The following ASAP1 variants were observed in gnomAD, a reference collection of about 807,000 sequenced individuals.
The protein encoded by ASAP1 is arf-GAP with SH3 domain, ANK repeat and PH domain-containing protein 1.
In ASAP1, 43 loss-of-function variants were observed where a neutral mutation model predicts 145.2. The observed-to-expected ratio is 0.30, with a 90% CI of 0.23 to 0.38. The LOEUF is 0.38. Ranked by LOEUF, ASAP1 falls within the 10% of genes least tolerant of loss-of-function variation. The probability of loss-of-function intolerance (pLI) is 1.00; values close to 1 mark genes in which losing one functional copy is unlikely to be tolerated. For missense variants in ASAP1, 1,018 were observed against 1,355.3 expected, an observed-to-expected ratio of 0.75 and a Z score of 3.91; for synonymous variants, 546 against 515.5, an observed-to-expected ratio of 1.06 and a Z score of -0.80.
intron 4 of ASAP1, among the ~76,000 whole-genome samples, chr8:130,219,334 T>C (rs1817146837): frequency 6.7e-6 from 1 of 149,596 alleles, no homozygotes; most frequent in Non-Finnish European, 1.5e-5. Flanking sequence ...GCACAGAGAG[T>C]GAGACAGCAA....
At chr8:130,174,694 T>C (rs1417025950) in intron 9 of ASAP1, among the ~76,000 whole-genome samples, 2 of 152,202 alleles carry the variant, frequency 1.3e-5, no homozygotes, top group African/African-American at 4.8e-5. Flanking sequence ...ATAAAACCTC[T>C]ATAAAATCTT....
At chr8:130,103,324 C>A (rs2097531878) in intron 24 of ASAP1, among the ~76,000 whole-genome samples, 1 of 151,678 alleles carries the variant, frequency 6.6e-6, no homozygotes, top group African/African-American at 2.4e-5. Context: ...AAAGGCTTGT[C>A]AATTTTTTTC....
intron 10 of ASAP1, among the ~76,000 whole-genome samples, chr8:130,168,049 A>G (rs2097683601): frequency 6.6e-6 from 1 of 152,146 alleles, no homozygotes; most frequent in Non-Finnish European, 1.5e-5. Flanking sequence ...GGGACAAGGG[A>G]TCAGTGCTGC....
rs1245285196 is a variant in ASAP1 at position 130,052,523 on chromosome 8, C to A, written c.*2208G>T. 3 of 152,502 alleles carry A rather than the reference C, an allele frequency of 2.0e-5. No individual in the cohort carries two copies. Among genetic ancestry groups the A allele is most frequent in the East Asian group, 3.9e-4 (2 of 5,178 alleles). The allele number at this position is 152,502 out of a possible 1,614,324, so 9.4% of individuals were successfully genotyped here. On this transcript the variant is annotated 3_prime_UTR_variant, in exon 30 of 30. Transcript: ENST00000518721. ...AGATCAGACTTAAACTCAACAAGAT[C>A]ACCAAAGGTATTTCTACTGAGTTTT... is the stretch of plus-strand genomic sequence containing the variant.
At chr8:130,191,751 T>C (rs1409796568) in intron 5 of ASAP1, among the ~76,000 whole-genome samples, 1 of 152,140 alleles carries the variant, frequency 6.6e-6, no homozygotes, top group Admixed American at 6.5e-5. Flanking sequence ...GTGTAAAAAG[T>C]GCTAGCTTAC....
chr8:130,151,826 G>A (rs1165276526), intron 13 of ASAP1, among the ~76,000 whole-genome samples: 1 of 152,236 alleles, frequency 6.6e-6, no homozygotes, highest in East Asian at 1.9e-4. Flanking sequence ...GATGTGTTCT[G>A]CAGGAAGAGA....
chr8:130,225,378 C>T (rs964046345), intron 4 of ASAP1, among the ~76,000 whole-genome samples: 5 of 152,130 alleles, frequency 3.3e-5, no homozygotes, highest in African/African-American at 7.2e-5. Flanking sequence ...TAACCTTTAA[C>T]CCAAAACAAT....
chr8:130,109,988 T>C (rs925366635), intron 24 of ASAP1, among the ~76,000 whole-genome samples: 8 of 152,220 alleles, frequency 5.3e-5, no homozygotes, highest in Non-Finnish European at 1.2e-4. Context: ...GGGAAAGTAC[T>C]GTATCCTTAG....
intron 5 of ASAP1, chr8:130,195,250 TC>T (rs1369593361): frequency 1.3e-5 from 2 of 151,972 alleles, no homozygotes; most frequent in African/African-American, 4.8e-5. Flanking sequence ...TAAAATCATT[TC>T]AGGACGAGGA....
intron 27 of ASAP1, among the ~76,000 whole-genome samples, chr8:130,062,386 T>G (rs2097421460): frequency 6.6e-6 from 1 of 152,178 alleles, no homozygotes; most frequent in South Asian, 2.1e-4. Context: ...TCTAGTCATA[T>G]CTCTAAAAAA....
At chr8:130,144,104 T>C (rs564755356) in intron 13 of ASAP1, among the ~76,000 whole-genome samples, 20 of 152,324 alleles carry the variant, frequency 1.3e-4, no homozygotes, top group East Asian at 7.7e-4. Context: ...TTTCATTCAA[T>C]AAATAGTTTT....
chr8:130,081,947 G>A (rs1461700525), intron 25 of ASAP1, among the ~76,000 whole-genome samples: 1 of 152,164 alleles, frequency 6.6e-6, no homozygotes, highest in African/African-American at 2.4e-5. Flanking sequence ...TTTTATATAT[G>A]AAGAAGCACA....
intron 4 of ASAP1, among the ~76,000 whole-genome samples, chr8:130,216,311 G>A (rs1373573332): frequency 1.3e-5 from 2 of 152,174 alleles, no homozygotes; most frequent in Non-Finnish European, 2.9e-5. Context: ...GATGAATTAG[G>A]TGCACATGAG....
intron 3 of ASAP1, among the ~76,000 whole-genome samples, chr8:130,262,940 C>A (rs1249430320): frequency 6.6e-6 from 1 of 152,126 alleles, no homozygotes; most frequent in Non-Finnish European, 1.5e-5. Flanking sequence ...TGCCCTGGAC[C>A]AAGAGAGAAA....
At chr8:130,130,302 T>C (rs1371163020) in intron 15 of ASAP1, among the ~76,000 whole-genome samples, 1 of 152,244 alleles carries the variant, frequency 6.6e-6, no homozygotes, top group African/African-American at 2.4e-5. Context: ...GGCTGGATTC[T>C]GTCAGACCAG....
intron 9 of ASAP1, among the ~76,000 whole-genome samples, chr8:130,172,785 C>T (rs554012776): frequency 2.6e-5 from 4 of 152,220 alleles, no homozygotes; most frequent in East Asian, 3.9e-4. Flanking sequence ...GGGAGAAAGA[C>T]GGAACTGTTT....
chr8:130,124,182 G>T (rs989613128), intron 17 of ASAP1, 78 bp from the exon 18 acceptor site: 19 of 1,024,416 alleles, frequency 1.9e-5, no homozygotes, highest in Non-Finnish European at 2.8e-5. Context: ...ATTTGTTTTT[G>T]AGATTTATGA....
At chr8:130,361,657 CA>C (rs1826714078) in intron 2 of ASAP1, 1 of 1,508,550 alleles carries the variant, frequency 6.6e-7, no homozygotes, top group Non-Finnish European at 8.9e-7. Context: ...CAAAGGTTCA[CA>C]CCTCTACTCA....
At chr8:130,210,563 A>C (rs1287804226) in intron 5 of ASAP1, among the ~76,000 whole-genome samples, 1 of 152,204 alleles carries the variant, frequency 6.6e-6, no homozygotes, top group Non-Finnish European at 1.5e-5. Context: ...GGACAAAAAC[A>C]ACCAAGAAAG....
Sources: gnomAD v4.1 joint callset for allele counts (sites outside exome capture counted in the v4.1 genomes callset) on GRCh38, gnomAD v4.1.1 for gene constraint, MANE v1.5 for transcripts, NCBI Gene and HGNC (gene_info 2026-07-23, HGNC 2026-07-21) for gene names.